Variants in EPS15L1 observed in about 807,000 individuals in gnomAD.
EPS15L1 encodes the protein epidermal growth factor receptor substrate 15-like 1.
EPS15L1 carries 43 observed loss-of-function variants against 117.1 expected under a neutral mutation model. The observed-to-expected ratio is 0.37, with a 90% CI of 0.29 to 0.47. The LOEUF (loss-of-function observed/expected upper bound fraction) is 0.47, where lower values mean the gene tolerates loss of function less well. Ranked by LOEUF, EPS15L1 falls within the 20% of genes least tolerant of loss-of-function variation. The pLI, the probability that EPS15L1 is intolerant of heterozygous loss-of-function variation, is 0.99. For missense variants in EPS15L1, 981 were observed against 1,164.0 expected (o/e 0.84, Z 2.29); for synonymous variants, 459 against 470.5 (o/e 0.98, Z 0.32).
At chr19:16,399,316 C>T (rs1445962276) in intron 16 of EPS15L1, among the ~76,000 whole-genome samples, 1 of 152,176 alleles carries the variant, frequency 6.6e-6, no homozygotes, top group Non-Finnish European at 1.5e-5. Context: ...TGCAGACCAC[C>T]TACTAAGGAG....
At chr19:16,433,338 G>T (rs1048917521) in intron 7 of EPS15L1, among the ~76,000 whole-genome samples, 1 of 149,534 alleles carries the variant, frequency 6.7e-6, no homozygotes, top group African/African-American at 2.5e-5. Context: ...CACCATGTTG[G>T]CCAGGCTGTT....
In EPS15L1 at chr19:16,381,282, C is replaced by T. The variant is rs1200740188; in HGVS notation, c.2247+3847G>A. On this transcript the variant is annotated intron_variant, in intron 21 of 23. Transcript: ENST00000455140. The surrounding 1 kb of genome is among the most constrained non-coding windows in gnomAD (Gnocchi z 4.2). ...ACACAAAGGAGGCGCAGCCTGCCCA[C>T]ATCACACAGCAGGTCCACGGCGGAT... Among the ~76,000 whole-genome samples the T allele has an allele frequency of 6.6e-6, 1 of 152,268 alleles. No individual in the cohort carries two copies. Among genetic ancestry groups the T allele is most frequent in the Non-Finnish European group, 1.5e-5 (1 of 68,048 alleles).
At chr19:16,411,333 A>T (rs2092704056) in intron 13 of EPS15L1, among the ~76,000 whole-genome samples, 1 of 152,182 alleles carries the variant, frequency 6.6e-6, no homozygotes, top group South Asian at 2.1e-4. Context: ...AATGGGGATG[A>T]GGTTTCCTTT....
rs753002798 is a variant in EPS15L1 at position 16,417,620 on chromosome 19, G to C, written c.1125C>G (p.Leu375=). 1 of 1,614,132 alleles carries C rather than the reference G, an allele frequency of 6.2e-7. No individual in the cohort carries two copies. Among genetic ancestry groups the C allele is most frequent in the African/African-American group, 1.3e-5 (1 of 75,048 alleles). ...TCACGCCAGTAAACTCCCCGGAGCC[G>C]AGAGAGCCTGAACTGTCCTAGAATT... is the stretch of plus-strand genomic sequence containing the variant. ...GTPGPDSSGS[L]GSGEFTGVKE... Residue 375 remains leucine (L), a synonymous_variant, in exon 12 of 24, where the codon CTC becomes CTG. Transcript: ENST00000455140.
intron 21 of EPS15L1, among the ~76,000 whole-genome samples, chr19:16,384,628 G>A (rs980410093): frequency 6.6e-6 from 1 of 152,166 alleles, no homozygotes; most frequent in Non-Finnish European, 1.5e-5. Context: ...CAGCCTCGCT[G>A]CTGTCCTCCT....
intron 1 of EPS15L1, among the ~76,000 whole-genome samples, chr19:16,464,271 G>A (rs909139974): frequency 6.6e-6 from 1 of 152,214 alleles, no homozygotes; most frequent in Admixed American, 6.5e-5. Context: ...CTCCTATGAA[G>A]GGAAAAGCCC....
intron 3 of EPS15L1, chr19:16,441,364 C>A (rs1275448289): frequency 1.5e-5 from 3 of 196,346 alleles, no homozygotes; most frequent in Admixed American, 5.5e-5. Context: ...CCCAGCTACT[C>A]GGGAGGCTGA....
At chr19:16,378,734 C>T (rs2092326949) in intron 21 of EPS15L1, among the ~76,000 whole-genome samples, 1 of 152,152 alleles carries the variant, frequency 6.6e-6, no homozygotes, top group Admixed American at 6.5e-5. Flanking sequence ...CTCCATCAGC[C>T]ACAGAAGGGC....
At chr19:16,424,083 G>A (rs1176249834) in intron 9 of EPS15L1, among the ~76,000 whole-genome samples, 4 of 152,214 alleles carry the variant, frequency 2.6e-5, no homozygotes, top group Non-Finnish European at 5.9e-5. Flanking sequence ...CTTTAAGGCC[G>A]GCTCAGCAGC....
chr19:16,427,655 G>A (rs905356238), intron 8 of EPS15L1, among the ~76,000 whole-genome samples: 3 of 152,186 alleles, frequency 2.0e-5, no homozygotes, highest in Non-Finnish European at 4.4e-5. Flanking sequence ...ACTTTAGGAG[G>A]CAGAGGCGGG....
At position 16,386,210 on chromosome 19, in the gene EPS15L1, C is replaced by T; in HGVS notation, c.2125G>A (p.Asp709Asn). ...GAGACACTGGAGGATGAAAAGGGAT[C>T]ACTGGATTCAAAGGGGTCGAGCTAA... The part of the protein sequence containing the change: ...PSKLDPFESS[D>N]PFSSSSVSSK... The change falls in exon 20 of 24, where the codon GAT becomes AAT. Residue 709 changes from aspartate to asparagine, a missense_variant. Physicochemically the swap from Asp to Asn is conservative, Grantham distance 23. Transcript: ENST00000455140. 1 of 1,612,662 alleles carries T rather than the reference C, an allele frequency of 6.2e-7. No homozygotes were observed. The highest frequency in any genetic ancestry group is 1.1e-5 in the South Asian group (1 of 90,916).
intron 1 of EPS15L1, among the ~76,000 whole-genome samples, chr19:16,457,681 C>T (rs536304049): frequency 5.3e-5 from 8 of 152,226 alleles, no homozygotes; most frequent in South Asian, 4.1e-4. Context: ...CTCCTGAAAA[C>T]GCTGCTTAAG....
intron 18 of EPS15L1, 49 bp downstream of exon 18, chr19:16,393,902 C>T: frequency 6.3e-7 from 1 of 1,589,216 alleles, no homozygotes; most frequent in Non-Finnish European, 8.6e-7. Flanking sequence ...ACTTCTGAGC[C>T]AGGACTGGAC....
At chr19:16,457,369 G>A (rs1036554940) in intron 1 of EPS15L1, among the ~76,000 whole-genome samples, 3 of 152,180 alleles carry the variant, frequency 2.0e-5, no homozygotes, top group Non-Finnish European at 2.9e-5. Flanking sequence ...GCCAGCAGCA[G>A]ACATACACCC....
At chr19:16,399,659 T>C (rs974366568) in intron 16 of EPS15L1, among the ~76,000 whole-genome samples, 1 of 151,680 alleles carries the variant, frequency 6.6e-6, no homozygotes. Flanking sequence ...AGCTCACAAG[T>C]TCCTGTTTTT....
intron 22 of EPS15L1, among the ~76,000 whole-genome samples, chr19:16,374,830 A>C (rs1273074385): frequency 3.9e-5 from 6 of 152,230 alleles, no homozygotes; most frequent in Admixed American, 3.3e-4. Context: ...GTAAGCACAG[A>C]GTGTGCATGC....
intron 1 of EPS15L1, among the ~76,000 whole-genome samples, chr19:16,458,838 C>T (rs976490088): frequency 3.9e-5 from 6 of 152,232 alleles, no homozygotes; most frequent in African/African-American, 1.2e-4. Context: ...GCACCTTTCA[C>T]TCCTTGTCTT....
In EPS15L1 at chr19:16,455,886, C is replaced by A. The variant is rs887188754; in HGVS notation, c.34-13667G>T. 5.9e-5 allele frequency among the ~76,000 whole-genome samples: 9 copies of A among 152,276 alleles called. No homozygotes were observed. In the East Asian group the frequency reaches 1.7e-3, roughly 29 times the overall value. On this transcript the variant is annotated intron_variant, in intron 1 of 23. Coordinates refer to ENST00000455140, the MANE Select transcript of EPS15L1 (RefSeq NM_001258374.3). ...TCTCTCTTCCACCTCCAGCTACTGA[C>A]CTCCCCCCACCCTTCGCATAAAACC... is the stretch of plus-strand genomic sequence containing the variant.
chr19:16,380,920 C>T (rs775499311), intron 21 of EPS15L1, among the ~76,000 whole-genome samples: 83 of 152,218 alleles, frequency 5.5e-4, no homozygotes, highest in Non-Finnish European at 1.5e-5. Context: ...ATGGCTGCCT[C>T]GGACCTTGTG....
Sources: allele counts gnomAD v4.1 joint callset (sites outside exome capture counted in the v4.1 genomes callset), GRCh38; gene constraint gnomAD v4.1.1; non-coding constraint Gnocchi (gnomAD v3.1); transcripts MANE v1.5; gene names NCBI Gene and HGNC (gene_info 2026-07-23, HGNC 2026-07-21).